TMEFF1: variants seen among roughly 807,000 people sequenced by gnomAD.
TMEFF1 encodes the protein transmembrane protein with EGF like and two follistatin like domains 1.
Under a neutral mutation model 47.5 loss-of-function variants are expected in TMEFF1, and 20 were observed. That is an observed-to-expected ratio of 0.42 (90% CI 0.30 to 0.61). TMEFF1 has a LOEUF of 0.61. Ranked by LOEUF, TMEFF1 falls within the 20% of genes least tolerant of loss-of-function variation. The pLI is 0.19. For missense variants in TMEFF1, 411 were observed against 471.1 expected (o/e 0.87, Z 1.18); for synonymous variants, 162 against 166.3 (o/e 0.97, Z 0.20).
At chr9:100,536,598 ATTTCT>A (rs1261807650) in intron 5 of TMEFF1, among the ~76,000 whole-genome samples, 4 of 152,204 alleles carry the variant, frequency 2.6e-5, no homozygotes, top group South Asian at 2.1e-4. Flanking sequence ...TTAGGATTAC[ATTTCT>A]TTTAAGTCTT....
intron 2 of TMEFF1, among the ~76,000 whole-genome samples, chr9:100,501,934 C>T (rs1373259537): frequency 3.3e-5 from 5 of 152,192 alleles, no homozygotes; most frequent in Non-Finnish European, 7.4e-5. Context: ...TGAGCCACCG[C>T]GCCTGGCTAC....
chr9:100,499,172 G>GA (rs1178825001), intron 2 of TMEFF1, among the ~76,000 whole-genome samples: 2 of 152,146 alleles, frequency 1.3e-5, no homozygotes, highest in Non-Finnish European at 1.5e-5. Context: ...GGTTGAACTA[G>GA]AGTCTCTTAT....
chr9:100,553,404 GA>G (rs1838861596), intron 7 of TMEFF1, among the ~76,000 whole-genome samples: 1 of 152,232 alleles, frequency 6.6e-6, no homozygotes, highest in Admixed American at 6.5e-5. Context: ...GTAAGGCAGT[GA>G]TCTGGGGATG....
chr9:100,483,691 A>G (rs1053218994), intron 1 of TMEFF1, among the ~76,000 whole-genome samples: 1 of 152,180 alleles, frequency 6.6e-6, no homozygotes, highest in African/African-American at 2.4e-5. Flanking sequence ...AAAATGTTGT[A>G]ATAGTACACC....
chr9:100,505,575 C>T (rs1342056991), intron 2 of TMEFF1, among the ~76,000 whole-genome samples: 3 of 152,086 alleles, frequency 2.0e-5, no homozygotes, highest in Non-Finnish European at 2.9e-5. Flanking sequence ...AAAGTCTTGT[C>T]AAAATTCCTA....
At chr9:100,498,653 G>T in intron 1 of TMEFF1, 112 bp from the exon 2 acceptor site, 2 of 871,968 alleles carry the variant, frequency 2.3e-6, no homozygotes, top group Non-Finnish European at 3.5e-6. Flanking sequence ...TTCTGAATGG[G>T]GGGGCTCAAT....
intron 1 of TMEFF1, among the ~76,000 whole-genome samples, chr9:100,474,633 C>G (rs540778082): frequency 6.6e-6 from 1 of 152,052 alleles, no homozygotes; most frequent in South Asian, 2.1e-4. Flanking sequence ...AGGGAATGCC[C>G]TTGTGTAGCA....
chr9:100,547,935 G>T, intron 6 of TMEFF1, 43 bp downstream of exon 6: 1 of 1,444,978 alleles, frequency 6.9e-7, no homozygotes, highest in Non-Finnish European at 9.1e-7. Context: ...CTTTATTATT[G>T]TATAAATGTA....
At chr9:100,491,132 T>C (rs906908966) in intron 1 of TMEFF1, among the ~76,000 whole-genome samples, 1 of 152,192 alleles carries the variant, frequency 6.6e-6, no homozygotes, top group Non-Finnish European at 1.5e-5. Flanking sequence ...TATTCCATAG[T>C]TGTACCACAC....
At chr9:100,527,046 G>T (rs533837949) in intron 5 of TMEFF1, among the ~76,000 whole-genome samples, 29 of 149,702 alleles carry the variant, frequency 1.9e-4, no homozygotes, top group African/African-American at 7.1e-4. Context: ...TGGAGGCTGA[G>T]ACACAAGAAT....
intron 2 of TMEFF1, among the ~76,000 whole-genome samples, chr9:100,505,753 C>A (rs1442793253): frequency 1.3e-5 from 2 of 152,176 alleles, no homozygotes; most frequent in Non-Finnish European, 2.9e-5. Flanking sequence ...GGGACAGCCA[C>A]CCCTAGGGGG....
chr9:100,483,894 C>T (rs376350529), intron 1 of TMEFF1, among the ~76,000 whole-genome samples: 18 of 151,936 alleles, frequency 1.2e-4, no homozygotes, highest in African/African-American at 3.1e-4. Flanking sequence ...TTTGTCATCT[C>T]CTCTTAATTA....
chr9:100,561,601 A>G (rs1839016610), intron 8 of TMEFF1, 81 bp downstream of exon 8: 1 of 1,412,912 alleles, frequency 7.1e-7, no homozygotes, highest in Non-Finnish European at 9.3e-7. Context: ...TGAAATGTAG[A>G]CTAAATATTA....
At chr9:100,540,781 G>GT (rs1185371500) in intron 5 of TMEFF1, among the ~76,000 whole-genome samples, 1 of 152,092 alleles carries the variant, frequency 6.6e-6, no homozygotes, top group Admixed American at 6.6e-5. Flanking sequence ...AGTGTGGATG[G>GT]TATCTCATTG....
intron 8 of TMEFF1, among the ~76,000 whole-genome samples, chr9:100,564,100 A>C (rs1301053295): frequency 4.6e-5 from 7 of 152,124 alleles, no homozygotes; most frequent in African/African-American, 1.7e-4. Flanking sequence ...TTTGAGATGA[A>C]GTCTTGATCT....
intron 7 of TMEFF1, among the ~76,000 whole-genome samples, chr9:100,559,707 G>A (rs141939670): frequency 2.9e-4 from 44 of 152,216 alleles, no homozygotes; most frequent in African/African-American, 1.0e-3. Context: ...GTTGGGTAGT[G>A]CTGGTCTCAT....
chr9:100,515,977 C>T (rs1200582480), intron 4 of TMEFF1, among the ~76,000 whole-genome samples: 1 of 152,068 alleles, frequency 6.6e-6, no homozygotes, highest in Admixed American at 6.5e-5. Flanking sequence ...AAGTGTAAGG[C>T]CCTTTCAGTG....
In TMEFF1 at chr9:100,561,322, T is replaced by C. The variant is rs1839009141; in HGVS notation, c.776-75T>C. 1.9e-6 allele frequency: 3 copies of C among 1,561,734 alleles called. No individual in the cohort carries two copies. The Admixed American group carries it at 5.9e-5, about 31-fold the overall frequency. The stretch of plus-strand genomic sequence containing the variant: ...GACAGTGGGTGAATTCATTTGCTGT[T>C]TCAGAACATTTGAAAAGTCCTTATT... On this transcript the variant is annotated intron_variant, in intron 7 of 9. Transcript: ENST00000374879.
At position 100,574,027 on chromosome 9, in the gene TMEFF1, G is replaced by A. The variant is rs536829356; in HGVS notation, c.1058+1351G>A. 2.7e-4 allele frequency among the ~76,000 whole-genome samples: 41 copies of A among 152,376 alleles called. No individual in the cohort carries two copies. The South Asian group carries it at 8.3e-3, about 31-fold the overall frequency. ...TAATTTGTCTGTGGTCATCCGACTA[G>A]TAAGTGGAATTGTCTGGATTTGGAT... On this transcript the variant is annotated intron_variant, in intron 9 of 9. Transcript: ENST00000374879.
Sources: gnomAD v4.1 joint callset for allele counts (sites outside exome capture counted in the v4.1 genomes callset) on GRCh38, gnomAD v4.1.1 for gene constraint, MANE v1.5 for transcripts, NCBI Gene and HGNC (gene_info 2026-07-23, HGNC 2026-07-21) for gene names.